LIMD1: variants seen among roughly 807,000 people sequenced by gnomAD.
The protein encoded by LIMD1 is LIM domain containing 1, also known as LIM domain-containing protein 1.
LIMD1 carries 23 observed loss-of-function variants against 58.4 expected under a neutral mutation model. The observed-to-expected ratio is 0.39, with a 90% CI of 0.28 to 0.56. The LOEUF (loss-of-function observed/expected upper bound fraction) is 0.56, where lower values mean the gene tolerates loss of function less well. Ranked by LOEUF, LIMD1 falls within the 20% of genes least tolerant of loss-of-function variation. The pLI is 0.57. For synonymous variants in LIMD1, 334 were observed against 345.5 expected (o/e 0.97, Z 0.37); for missense variants, 838 against 855.5 (o/e 0.98, Z 0.25).
At chr3:45,603,032 G>C (rs1701431515) in intron 1 of LIMD1, among the ~76,000 whole-genome samples, 1 of 152,036 alleles carries the variant, frequency 6.6e-6, no homozygotes, top group South Asian at 2.1e-4. Context: ...GTAGAGACAG[G>C]GTTTCGCCAT....
chr3:45,614,777 T>TTC (rs1701561155), intron 1 of LIMD1, among the ~76,000 whole-genome samples: 1 of 150,200 alleles, frequency 6.7e-6, no homozygotes, highest in Non-Finnish European at 1.5e-5. Context: ...TGTTTTTTTT[T>TTC]TTTTTTGCCG....
At chr3:45,637,282 ATT>A (rs35720186) in intron 2 of LIMD1, among the ~76,000 whole-genome samples, 6 of 144,634 alleles carry the variant, frequency 4.1e-5, no homozygotes, top group South Asian at 2.2e-4. Context: ...AAGTGTATTA[ATT>A]TTTTTTTTTT....
chr3:45,627,526 C>T (rs542638322), intron 1 of LIMD1, among the ~76,000 whole-genome samples: 56 of 152,216 alleles, frequency 3.7e-4, no homozygotes, highest in African/African-American at 1.3e-3. Context: ...TGTGGTGGCT[C>T]ACACGTGTAA....
intron 2 of LIMD1, among the ~76,000 whole-genome samples, chr3:45,649,724 A>G (rs1245085437): frequency 6.8e-6 from 1 of 146,032 alleles, no homozygotes; most frequent in Non-Finnish European, 1.5e-5. Flanking sequence ...ATATATATAA[A>G]ATTATATAGA....
chr3:45,613,648 T>A (rs1355294949), intron 1 of LIMD1, among the ~76,000 whole-genome samples: 1 of 151,626 alleles, frequency 6.6e-6, no homozygotes, highest in African/African-American at 2.4e-5. Context: ...TGTAAGACTT[T>A]GGGTTTTTTT....
At position 45,681,871 on chromosome 3, in the gene LIMD1, G is replaced by A. The variant is rs1240820014; in HGVS notation, c.*4812G>A. The A allele has an allele frequency of 6.6e-6, 1 of 152,226 alleles. No homozygotes were observed. The highest frequency in any genetic ancestry group is 1.5e-5 in the Non-Finnish European group (1 of 68,050). 9.4% of individuals were successfully genotyped at this position (152,226 alleles called of 1,614,324 possible). On this transcript the variant is annotated 3_prime_UTR_variant, in exon 8 of 8. Transcript: ENST00000273317. ...GAGACTTGTAAGGTCCTGATGCAGT[G>A]ACTTGTAAGGTCACTTTGTCTCTCT...
intron 2 of LIMD1, among the ~76,000 whole-genome samples, chr3:45,657,524 CA>C (rs71617901): frequency 0.072 from 7,172 of 99,534 alleles, 492 homozygotes; most frequent in African/African-American, 0.25. Flanking sequence ...GACGCTGTCT[CA>C]AAAAAAAAAA....
Position 45,595,302 on chromosome 3 carries a change from G to A in LIMD1, c.423G>A (p.Thr141=), listed in dbSNP as rs754205344. ...GATCCAGGCCATACCTGCATGGCACGAGGCATGGCAGCCAGGACTGTGGTT... is the reference window on the plus strand; with the variant it reads ...GATCCAGGCCATACCTGCATGGCACAAGGCATGGCAGCCAGGACTGTGGTT... ...EQRSRPYLHG[T]RHGSQDCGSR... is the part of the protein sequence containing the mutation. The change falls in exon 1 of 8, where the codon ACG becomes ACA. Residue 141 remains threonine (T), a synonymous_variant. Transcript: ENST00000273317. The A allele has an allele frequency of 1.1e-5, 18 of 1,613,296 alleles. No individual in the cohort carries two copies. Among genetic ancestry groups the A allele is most frequent in the African/African-American group, 8.0e-5 (6 of 74,936 alleles).
intron 1 of LIMD1, among the ~76,000 whole-genome samples, chr3:45,633,913 C>A (rs1701761284): frequency 6.6e-6 from 1 of 152,084 alleles, no homozygotes; most frequent in African/African-American, 2.4e-5. Flanking sequence ...GGGCAGAAGG[C>A]TGGGGATTTG....
Position 45,644,503 on chromosome 3 carries a change from G to A in LIMD1, c.1510+8252G>A, listed in dbSNP as rs867437071. ...TCTAGCTTACCGTGGGCCTGACACC[G>A]CATAACCCTCCTCCACCCATGGCGG... On this transcript the variant is annotated intron_variant, in intron 2 of 7. Coordinates refer to ENST00000273317, the MANE Select transcript of LIMD1 (RefSeq NM_014240.3). Among the ~76,000 whole-genome samples, 13 of 152,270 alleles carry A rather than the reference G, an allele frequency of 8.5e-5. No homozygotes were observed. The Middle Eastern group carries it at 0.01, about 120-fold the overall frequency.
At chr3:45,632,683 A>G (rs1315885620) in intron 1 of LIMD1, 2 of 304,328 alleles carry the variant, frequency 6.6e-6, no homozygotes, top group East Asian at 1.7e-4. Flanking sequence ...GGCACTTGCA[A>G]TTCACTAGGA....
chr3:45,658,923 C>T (rs79978377), intron 2 of LIMD1, among the ~76,000 whole-genome samples: 3,053 of 152,134 alleles, frequency 0.02, 90 homozygotes, highest in African/African-American at 0.07. Context: ...CCTTTCCAGT[C>T]TTTTTTTCTT....
intron 1 of LIMD1, among the ~76,000 whole-genome samples, chr3:45,608,370 G>T (rs1701488140): frequency 6.6e-6 from 1 of 152,178 alleles, no homozygotes; most frequent in Admixed American, 6.5e-5. Context: ...CGGACACCTT[G>T]TGTGTATGGG....
intron 2 of LIMD1, among the ~76,000 whole-genome samples, chr3:45,654,066 C>T (rs898409796): frequency 5.3e-5 from 8 of 152,052 alleles, no homozygotes; most frequent in Admixed American, 1.3e-4. Flanking sequence ...TATACTTGTT[C>T]AAGCCCTGGC....
intron 1 of LIMD1, among the ~76,000 whole-genome samples, chr3:45,633,836 T>A (rs1054680612): frequency 7.9e-5 from 12 of 152,130 alleles, no homozygotes; most frequent in Admixed American, 3.9e-4. Flanking sequence ...TGGACTTCCT[T>A]TGATGGTGAT....
In LIMD1 at chr3:45,674,413, T is replaced by C. The variant is rs1379881711; in HGVS notation, c.1893+2T>C. 1 of 1,612,176 alleles carries C rather than the reference T, an allele frequency of 6.2e-7. No homozygotes were observed. The highest frequency in any genetic ancestry group is 1.7e-5 in the Admixed American group (1 of 59,954). On this transcript the variant is annotated splice_donor_variant, in intron 7 of 7. Transcript: ENST00000273317. LOFTEE classifies it high-confidence loss of function. ...CACGTGGAGTGTTACCACTGCGAGG[T>C]AGACCCCTCCCCACCCAGCCCCCAA...
chr3:45,640,101 G>T (rs1701827017), intron 2 of LIMD1, among the ~76,000 whole-genome samples: 1 of 152,258 alleles, frequency 6.6e-6, no homozygotes, highest in Admixed American at 6.5e-5. Flanking sequence ...TCTTCAAATT[G>T]TGACAAGCAC....
intron 7 of LIMD1, 86 bp downstream of exon 7, chr3:45,674,497 C>A (rs1697641157): frequency 9.7e-7 from 1 of 1,027,284 alleles, no homozygotes; most frequent in South Asian, 1.4e-5. Flanking sequence ...AAGAGGCAGT[C>A]AACAAGATTC....
At chr3:45,621,772 T>C (rs1384349583) in intron 1 of LIMD1, among the ~76,000 whole-genome samples, 1 of 152,176 alleles carries the variant, frequency 6.6e-6, no homozygotes, top group Non-Finnish European at 1.5e-5. Flanking sequence ...CAATTGAAAT[T>C]GTGCAATTCA....
Sources: gnomAD v4.1 joint callset for allele counts (sites outside exome capture counted in the v4.1 genomes callset) on GRCh38, gnomAD v4.1.1 for gene constraint, MANE v1.5 for transcripts, NCBI Gene and HGNC (gene_info 2026-07-23, HGNC 2026-07-21) for gene names.